BUD31: variants seen among roughly 807,000 people sequenced by gnomAD.
BUD31 encodes the protein BUD31 spliceosome associated protein.
BUD31 carries 9 observed loss-of-function variants against 17.9 expected under a neutral mutation model. The ratio of observed to expected loss-of-function variants is 0.50; its 90% CI spans 0.30 to 0.88. The LOEUF is 0.88. Among genes scored for constraint, BUD31 ranks in the 40% least tolerant of loss-of-function variants. The probability of loss-of-function intolerance (pLI) is 0.06; values close to 1 mark genes in which losing one functional copy is unlikely to be tolerated. For missense variants in BUD31, 148 were observed against 184.5 expected (o/e 0.80, Z 1.15); for synonymous variants, 70 against 64.7 (o/e 1.08, Z -0.39).
chr7:99,419,244 C>T, intron 5 of BUD31, 147 bp from the exon 6 acceptor site: 4 of 919,894 alleles, frequency 4.3e-6, no homozygotes, highest in Non-Finnish European at 5.0e-6. Flanking sequence ...CAAATTTTCC[C>T]TGTCCAGAGC....
intron 5 of BUD31, 198 bp from the exon 6 acceptor site, chr7:99,419,193 C>T: frequency 1.7e-6 from 1 of 599,460 alleles, no homozygotes. Flanking sequence ...CAGATGTAAC[C>T]TCGGTGTCAA....
intron 3 of BUD31, among the ~76,000 whole-genome samples, chr7:99,415,516 CG>C (rs1795382190): frequency 6.6e-6 from 1 of 152,058 alleles, no homozygotes; most frequent in Non-Finnish European, 1.5e-5. Flanking sequence ...TAACTGCGGG[CG>C]GGCCTGACTG....
At chr7:99,413,719 G>A (rs1161953126) in intron 3 of BUD31, among the ~76,000 whole-genome samples, 4 of 152,142 alleles carry the variant, frequency 2.6e-5, no homozygotes, top group Non-Finnish European at 4.4e-5. Flanking sequence ...AGCCTCCCGA[G>A]TAACTGGGAT....
At chr7:99,410,229 G>T (rs10085772) in intron 2 of BUD31, 60 bp downstream of exon 2, 29,077 of 151,752 alleles carry the variant, frequency 0.19, 5,566 homozygotes, top group African/African-American at 0.5. Context: ...TGTTTTGTTT[G>T]TTATTGAGAC....
intron 4 of BUD31, 34 bp from the exon 5 acceptor site, chr7:99,417,395 A>G (rs1430774808): frequency 1.2e-6 from 2 of 1,608,250 alleles, no homozygotes; most frequent in Non-Finnish European, 1.7e-6. Context: ...TTTTTAGACC[A>G]TGGCCTGATG....
intron 3 of BUD31, among the ~76,000 whole-genome samples, chr7:99,414,111 A>G (rs1795291911): frequency 6.6e-6 from 1 of 152,068 alleles, no homozygotes; most frequent in African/African-American, 2.4e-5. Context: ...TAAAACAATT[A>G]TGTTTAAATT....
chr7:99,411,157 T>A lies in BUD31; in HGVS notation c.65T>A (p.Leu22Gln). Reference sequence around the variant, plus strand: ...GGCTGGGAGTTGATTGAGCCAACACTGGATGAATTAGATCAAAAGATGAGA... The same window carrying A: ...GGCTGGGAGTTGATTGAGCCAACACAGGATGAATTAGATCAAAAGATGAGA... ...PDGWELIEPT[L>Q]DELDQKMREA... is the part of the protein sequence containing the mutation. The change falls in exon 3 of 6, where the codon CTG (leucine) becomes CAG (glutamine). Residue 22 changes from leucine (L) to glutamine (Q), a missense_variant. By Grantham distance (113) the Leu-to-Gln change is moderately radical. Transcript: ENST00000222969. 1 of 1,614,052 alleles carries A rather than the reference T, an allele frequency of 6.2e-7. No homozygotes were observed. The highest frequency in any genetic ancestry group is 8.5e-7 in the Non-Finnish European group (1 of 1,180,002).
At chr7:99,411,640 T>C in intron 3 of BUD31, 1 of 453,004 alleles carries the variant, frequency 2.2e-6, no homozygotes, top group Admixed American at 2.4e-5. Flanking sequence ...TTTGGAAATT[T>C]TATCTGAAGC....
Sources: allele counts gnomAD v4.1 joint callset (sites outside exome capture counted in the v4.1 genomes callset), GRCh38; gene constraint gnomAD v4.1.1; transcripts MANE v1.5; gene names NCBI Gene and HGNC (gene_info 2026-07-23, HGNC 2026-07-21).